The following TRAPPC9 variants were observed in gnomAD, a reference collection of about 807,000 sequenced individuals.
TRAPPC9 encodes IKK2 binding protein.
TRAPPC9 carries 83 observed loss-of-function variants against 124.0 expected under a neutral mutation model. That is an observed-to-expected ratio of 0.67 (90% CI 0.56 to 0.80). The LOEUF (loss-of-function observed/expected upper bound fraction) is 0.80, where lower values mean the gene tolerates loss of function less well. Ranked by LOEUF, TRAPPC9 falls within the 30% of genes least tolerant of loss-of-function variation. The probability of loss-of-function intolerance (pLI) is 0.00; values close to 1 mark genes in which losing one functional copy is unlikely to be tolerated. For synonymous variants in TRAPPC9, 638 were observed against 617.5 expected (o/e 1.03, Z -0.49); for missense variants, 1,302 against 1,508.3 (o/e 0.86, Z 2.27).
chr8:139,862,389 C>T (rs749210964), intron 21 of TRAPPC9, among the ~76,000 whole-genome samples: 4 of 152,236 alleles, frequency 2.6e-5, no homozygotes, highest in Non-Finnish European at 5.9e-5. Flanking sequence ...GTTCTTCCAG[C>T]TGTTGGGCTG....
chr8:140,223,512 C>T lies in TRAPPC9; in HGVS notation c.2432-1929G>A, dbSNP rs148464359. The stretch of plus-strand genomic sequence containing the variant: ...GCCTAGGATCCTTTTCGCTTTAACA[C>T]AGTTGTTGGGAAAGAAAATTTCAAT... On this transcript the variant is annotated intron_variant, in intron 16 of 22. Transcript: ENST00000438773. Among the ~76,000 whole-genome samples the T allele has an allele frequency of 2.6e-3, 393 of 152,294 alleles. 3 individuals are homozygous for T. Among genetic ancestry groups the T allele is most frequent in the African/African-American group, 8.5e-3 (354 of 41,554 alleles).
chr8:139,861,524 A>G (rs1828156196), intron 21 of TRAPPC9, among the ~76,000 whole-genome samples: 1 of 152,218 alleles, frequency 6.6e-6, no homozygotes, highest in African/African-American at 2.4e-5. Context: ...TACTGAAACT[A>G]GAAGCAAGGG....
At chr8:139,772,172 A>ACACGTGTG (rs1821012452) in intron 21 of TRAPPC9, among the ~76,000 whole-genome samples, 1 of 152,212 alleles carries the variant, frequency 6.6e-6, no homozygotes, top group African/African-American at 2.4e-5. Flanking sequence ...CAAACGGCCC[A>ACACGTGTG]CACGTGTGCA....
chr8:140,420,611 T>G (rs2070167344), intron 5 of TRAPPC9, among the ~76,000 whole-genome samples: 1 of 152,220 alleles, frequency 6.6e-6, no homozygotes, highest in African/African-American at 2.4e-5. Flanking sequence ...ACATTTTTTT[T>G]TCTTTCCAAC....
At chr8:140,056,901 G>A (rs1037973662) in intron 17 of TRAPPC9, among the ~76,000 whole-genome samples, 2 of 152,026 alleles carry the variant, frequency 1.3e-5, no homozygotes, top group Non-Finnish European at 2.9e-5. Flanking sequence ...GAAAATATTT[G>A]CAAACCATTT....
intron 9 of TRAPPC9, among the ~76,000 whole-genome samples, chr8:140,347,480 G>C (rs2067383890): frequency 2.0e-5 from 3 of 152,134 alleles, no homozygotes; most frequent in Admixed American, 6.5e-5. Context: ...TTTCCAACGA[G>C]GCCTCATCCT....
chr8:139,990,735 C>T (rs1183606366), intron 18 of TRAPPC9, among the ~76,000 whole-genome samples: 2 of 152,170 alleles, frequency 1.3e-5, no homozygotes, highest in South Asian at 2.1e-4. Flanking sequence ...TACAGGTGCC[C>T]GCCACCATGC....
At position 140,018,324 on chromosome 8, in the gene TRAPPC9, A is replaced by ATTTTTTTTTTTT. The variant is rs1554608008; in HGVS notation, c.2699+5601_2699+5612dup. ...TTGCTGGTATATAGAAACGTAAGTG[A>ATTTTTTTTTTTT]TTTTTTTTTTTTTTTTTGAGACGGA... On this transcript the variant is annotated intron_variant, in intron 18 of 22. Coordinates refer to ENST00000438773, the MANE Select transcript of TRAPPC9 (RefSeq NM_001160372.4). Among the ~76,000 whole-genome samples, 15 of 119,776 alleles carry ATTTTTTTTTTTT rather than the reference A, an allele frequency of 1.3e-4. 2 individuals are homozygous for ATTTTTTTTTTTT. Among genetic ancestry groups the ATTTTTTTTTTTT allele is most frequent in the African/African-American group, 4.2e-4 (13 of 30,668 alleles). The allele number at this position is 119,776 out of a possible 152,430, so 78.6% of individuals were successfully genotyped here.
rs1216247978 is a variant in TRAPPC9 at position 140,087,938 on chromosome 8, C to T, written c.2557-63859G>A. 1.3e-5 allele frequency among the ~76,000 whole-genome samples: 2 copies of T among 152,078 alleles called. No individual in the cohort carries two copies. Among genetic ancestry groups the T allele is most frequent in the African/African-American group, 4.8e-5 (2 of 41,412 alleles). On this transcript the variant is annotated intron_variant, in intron 17 of 22. Transcript: ENST00000438773. The surrounding 1 kb of genome is among the most constrained non-coding windows in gnomAD (Gnocchi z 4.6). Reference sequence around the variant, plus strand: ...CTCCTCCATTACCACGTGGTACCATCTCTGGGCCTCTGCACCAGCTGTGAT... The same window carrying T: ...CTCCTCCATTACCACGTGGTACCATTTCTGGGCCTCTGCACCAGCTGTGAT...
At chr8:140,299,097 G>A (rs1192125774) in intron 11 of TRAPPC9, among the ~76,000 whole-genome samples, 1 of 152,228 alleles carries the variant, frequency 6.6e-6, no homozygotes, top group African/African-American at 2.4e-5. Context: ...CATTTGAACA[G>A]AGACCAAAAG....
intron 8 of TRAPPC9, among the ~76,000 whole-genome samples, chr8:140,361,633 T>A (rs1382618881): frequency 6.6e-6 from 1 of 152,242 alleles, no homozygotes; most frequent in Non-Finnish European, 1.5e-5. Context: ...TGACTCTAGC[T>A]GTGACATGAT....
At chr8:139,896,466 G>C (rs1249999764) in intron 20 of TRAPPC9, among the ~76,000 whole-genome samples, 1 of 152,190 alleles carries the variant, frequency 6.6e-6, no homozygotes, top group Non-Finnish European at 1.5e-5. Flanking sequence ...TAAGACTTCA[G>C]AATATGGTGG....
chr8:140,024,107 C>A (rs748147051), intron 17 of TRAPPC9, 28 bp from the exon 18 acceptor site: 1 of 1,608,798 alleles, frequency 6.2e-7, no homozygotes, highest in Non-Finnish European at 8.5e-7. Flanking sequence ...AAAAAATACA[C>A]ACACACACAT....
At chr8:140,423,663 T>TATATACACATATACAC (rs55792609) in intron 5 of TRAPPC9, among the ~76,000 whole-genome samples, 63,492 of 144,728 alleles carry the variant, frequency 0.44, 15,719 homozygotes, top group Middle Eastern at 0.56. Flanking sequence ...CATACACACA[T>TATATACACATATACAC]ATATACACAT....
chr8:140,376,281 G>A (rs759443343), intron 7 of TRAPPC9, among the ~76,000 whole-genome samples: 13 of 151,902 alleles, frequency 8.6e-5, no homozygotes, highest in Non-Finnish European at 1.3e-4. Context: ...TGGAGGCCGG[G>A]CGCGGTGGCT....
At chr8:140,006,541 A>G (rs776423942) in intron 18 of TRAPPC9, among the ~76,000 whole-genome samples, 1 of 152,230 alleles carries the variant, frequency 6.6e-6, no homozygotes, top group African/African-American at 2.4e-5. Flanking sequence ...CACACAGAAA[A>G]TTAAACATGA....
At chr8:139,732,229 G>A in intron 21 of TRAPPC9, 27 bp from the exon 22 acceptor site, 4 of 1,547,900 alleles carry the variant, frequency 2.6e-6, no homozygotes, top group Non-Finnish European at 3.5e-6. Context: ...ACTGTCGGGG[G>A]CTGGGCTGGC....
At chr8:140,032,359 T>C (rs1587541675) in intron 17 of TRAPPC9, among the ~76,000 whole-genome samples, 1 of 152,250 alleles carries the variant, frequency 6.6e-6, no homozygotes, top group African/African-American at 2.4e-5. Context: ...TTTATTTACA[T>C]ACATTTATTT....
chr8:139,867,494 A>G (rs1432819709), intron 21 of TRAPPC9, among the ~76,000 whole-genome samples: 3 of 152,238 alleles, frequency 2.0e-5, no homozygotes, highest in African/African-American at 4.8e-5. Flanking sequence ...ACCTTCCCGC[A>G]AGATACTTAG....
Sources: gnomAD v4.1 joint callset for allele counts (sites outside exome capture counted in the v4.1 genomes callset) on GRCh38, gnomAD v4.1.1 for gene constraint, Gnocchi (gnomAD v3.1) non-coding constraint, MANE v1.5 for transcripts, NCBI Gene and HGNC (gene_info 2026-07-23, HGNC 2026-07-21) for gene names.